The following MLN variants were observed in gnomAD, a reference collection of about 807,000 sequenced individuals.
MLN encodes promotilin.
In MLN, 14 loss-of-function variants were observed where a neutral mutation model predicts 13.3. That is an observed-to-expected ratio of 1.05 (90% CI 0.69 to 1.64). The LOEUF is 1.64. Ranked by LOEUF, MLN falls within the 40% of genes most tolerant of loss-of-function variation. The probability of loss-of-function intolerance (pLI) is 0.00; values close to 1 mark genes in which losing one functional copy is unlikely to be tolerated. For synonymous variants in MLN, 59 were observed against 54.7 expected (o/e 1.08, Z -0.34); for missense variants, 122 against 142.9 (o/e 0.85, Z 0.75).
chr6:33,797,113 G>A (rs528456357), intron 3 of MLN, among the ~76,000 whole-genome samples: 26 of 152,340 alleles, frequency 1.7e-4, no homozygotes, highest in African/African-American at 6.0e-4. Flanking sequence ...CAACAGCACC[G>A]GGAAAGATCA....
chr6:33,800,368 A>G (rs1323861213), intron 2 of MLN, among the ~76,000 whole-genome samples: 1 of 152,192 alleles, frequency 6.6e-6, no homozygotes, highest in Non-Finnish European at 1.5e-5. Flanking sequence ...CATTTTCCTT[A>G]GGCTCCACTG....
Position 33,799,368 on chromosome 6 carries a change from G to A in MLN, c.118-147C>T, listed in dbSNP as rs191913271. Reference sequence around the variant, plus strand: ...CCTTTCCTCCAGGAGCCTCCTGCACGAGGAATCTCAGATACTAACTAGTGG... The same window carrying A: ...CCTTTCCTCCAGGAGCCTCCTGCACAAGGAATCTCAGATACTAACTAGTGG... On this transcript the variant is annotated intron_variant, in intron 2 of 4. Coordinates refer to ENST00000430124, the MANE Select transcript of MLN (RefSeq NM_002418.3). The surrounding 1 kb of genome is among the most constrained non-coding windows in gnomAD (Gnocchi z 4.6). 26 of 549,244 alleles carry A rather than the reference G, an allele frequency of 4.7e-5. 1 individual carries two copies. The highest frequency in any genetic ancestry group is 4.1e-4 in the Admixed American group (13 of 31,574). 34.0% of individuals were successfully genotyped at this position (549,244 alleles called of 1,614,324 possible).
chr6:33,800,887 A>T (rs927299842), intron 2 of MLN, among the ~76,000 whole-genome samples, 160 bp downstream of exon 2: 2 of 152,208 alleles, frequency 1.3e-5, no homozygotes, highest in African/African-American at 4.8e-5. Context: ...AGCCACTGAC[A>T]TATCTGAGTG....
At chr6:33,798,952 G>A (rs1176723473) in intron 3 of MLN, among the ~76,000 whole-genome samples, 153 bp downstream of exon 3, 1 of 152,072 alleles carries the variant, frequency 6.6e-6, no homozygotes, top group East Asian at 1.9e-4. Flanking sequence ...CTCTCCCTAC[G>A]AGGATGGAGC....
intron 3 of MLN, 36 bp from the exon 4 acceptor site, chr6:33,795,641 G>A: frequency 6.5e-7 from 1 of 1,532,850 alleles, no homozygotes; most frequent in African/African-American, 1.4e-5. Context: ...CGAGGGAGAG[G>A]TGGAGAGGGC....
At chr6:33,800,990 G>T in intron 2 of MLN, 57 bp downstream of exon 2, 2 of 1,330,792 alleles carry the variant, frequency 1.5e-6, no homozygotes, top group Non-Finnish European at 2.2e-6. Flanking sequence ...GGTATCACCG[G>T]CATAGGTCAT....
At position 33,795,570 on chromosome 6, in the gene MLN, G is replaced by A. The variant is rs1361744915; in HGVS notation, c.270C>T (p.Asn90=). The A allele has an allele frequency of 8.3e-6, 13 of 1,564,484 alleles. No individual in the cohort carries two copies. The highest frequency in any genetic ancestry group is 1.0e-5 in the Non-Finnish European group (12 of 1,152,928). Reference sequence around the variant, plus strand: ...CCGGGTACTTTTCCAGCTGTCTGGAGTTCATCCTCATTCCAATTTCCAGAG... The same window carrying A: ...CCGGGTACTTTTCCAGCTGTCTGGAATTCATCCTCATTCCAATTTCCAGAG... ...TAPLEIGMRM[N]SRQLEKYPAT... The change falls in exon 4 of 5, where the codon AAC becomes AAT. Residue 90 remains asparagine, a synonymous_variant. Transcript: ENST00000430124.
At chr6:33,800,969 A>T in intron 2 of MLN, 78 bp downstream of exon 2, 1 of 1,154,004 alleles carries the variant, frequency 8.7e-7, no homozygotes, top group Non-Finnish European at 1.3e-6. Context: ...CTGGTCCTTT[A>T]CACTTTCCTT....
intron 1 of MLN, among the ~76,000 whole-genome samples, chr6:33,802,410 G>T (rs1027591126): frequency 1.3e-5 from 2 of 152,180 alleles, no homozygotes. Flanking sequence ...CTGTCGGCAG[G>T]AGAGGGTCTG....
At chr6:33,801,495 A>G (rs1462003637) in intron 1 of MLN, among the ~76,000 whole-genome samples, 1 of 152,240 alleles carries the variant, frequency 6.6e-6, no homozygotes, top group African/African-American at 2.4e-5. Flanking sequence ...AGCTGGACTC[A>G]TAAGGCAGGA....
At chr6:33,796,635 C>T (rs1364293978) in intron 3 of MLN, among the ~76,000 whole-genome samples, 1 of 152,220 alleles carries the variant, frequency 6.6e-6, no homozygotes, top group East Asian at 1.9e-4. Flanking sequence ...AGGAATGGGC[C>T]TCCTAGACGC....
At chr6:33,796,658 G>A (rs1767931203) in intron 3 of MLN, among the ~76,000 whole-genome samples, 1 of 152,198 alleles carries the variant, frequency 6.6e-6, no homozygotes. Flanking sequence ...GGGGGCTCAG[G>A]GTGCCTGAAG....
At chr6:33,802,725 C>G (rs1237576269) in intron 1 of MLN, among the ~76,000 whole-genome samples, 1 of 152,188 alleles carries the variant, frequency 6.6e-6, no homozygotes, top group African/African-American at 2.4e-5. Context: ...AAGGACCACC[C>G]GCCCACCCAA....
intron 3 of MLN, among the ~76,000 whole-genome samples, chr6:33,797,103 C>T (rs1333272325): frequency 6.6e-6 from 1 of 152,208 alleles, no homozygotes; most frequent in Non-Finnish European, 1.5e-5. Flanking sequence ...TTTCTGGGCC[C>T]AACAGCACCG....
Position 33,801,085 on chromosome 6 carries a change from C to T in MLN, c.79G>A (p.Val27Ile), listed in dbSNP as rs373636894. ...AMLASQTEAF[V>I]PIFTYGELQR... is the part of the protein sequence containing the mutation. ...AGTTCGCCATAGGTGAAGATGGGGA[C>T]GAAGGCTTCCGTCTGGGAGGCCAGC... Residue 27 changes from valine (V) to isoleucine (I), a missense_variant, in exon 2 of 5, where the codon GTC (valine) becomes ATC (isoleucine). Coordinates refer to ENST00000430124, the MANE Select transcript of MLN (RefSeq NM_002418.3). 305 of 1,613,986 alleles carry T rather than the reference C, an allele frequency of 1.9e-4. No individual in the cohort carries two copies. Among genetic ancestry groups the T allele is most frequent in the Admixed American group, 3.2e-4 (19 of 60,010 alleles).
chr6:33,802,794 G>A (rs1251357406), intron 1 of MLN, among the ~76,000 whole-genome samples: 3 of 152,088 alleles, frequency 2.0e-5, no homozygotes, highest in African/African-American at 4.8e-5. Flanking sequence ...TGAGCTGAAC[G>A]GAGAATGGGT....
Position 33,797,364 on chromosome 6 carries a change from G to A in MLN, c.234+1741C>T, listed in dbSNP as rs149114883. ...AACCACGGATGACTCCTACATGTGA[G>A]CCTCCAGCCCTCACCTCTCTTCTGA... On this transcript the variant is annotated intron_variant, in intron 3 of 4. Coordinates refer to ENST00000430124, the MANE Select transcript of MLN (RefSeq NM_002418.3). Among the ~76,000 whole-genome samples, 10 of 152,306 alleles carry A rather than the reference G, an allele frequency of 6.6e-5. No individual in the cohort carries two copies. In the East Asian group the frequency reaches 1.9e-3, roughly 29 times the overall value.
chr6:33,801,976 G>A (rs1002071548), intron 1 of MLN, among the ~76,000 whole-genome samples: 3 of 152,158 alleles, frequency 2.0e-5, no homozygotes, highest in Non-Finnish European at 4.4e-5. Context: ...CTGGCAGGGA[G>A]CAGGTAGGCA....
intron 1 of MLN, among the ~76,000 whole-genome samples, chr6:33,802,882 T>C (rs1760878768): frequency 6.6e-6 from 1 of 152,006 alleles, no homozygotes. Context: ...GGCCTGCTTT[T>C]CCCCCCAGCA....
Sources: allele counts gnomAD v4.1 joint callset (sites outside exome capture counted in the v4.1 genomes callset), GRCh38; gene constraint gnomAD v4.1.1; non-coding constraint Gnocchi (gnomAD v3.1); transcripts MANE v1.5; gene names NCBI Gene and HGNC (gene_info 2026-07-23, HGNC 2026-07-21).